The following AIDA variants were observed in gnomAD, a reference collection of about 807,000 sequenced individuals.
AIDA encodes axin interactor, dorsalization-associated protein.
Under a neutral mutation model 42.7 loss-of-function variants are expected in AIDA, and 18 were observed. The observed-to-expected ratio is 0.42, with a 90% CI of 0.29 to 0.63. AIDA has a LOEUF of 0.63. Ranked by LOEUF, AIDA falls within the 20% of genes least tolerant of loss-of-function variation. The probability of loss-of-function intolerance (pLI) is 0.19; values close to 1 mark genes in which losing one functional copy is unlikely to be tolerated. For missense variants in AIDA, 250 were observed against 354.1 expected, an observed-to-expected ratio of 0.71 and a Z score of 2.36; for synonymous variants, 104 against 122.9, an observed-to-expected ratio of 0.85 and a Z score of 1.02.
At chr1:222,701,799 C>T (rs912651630) in intron 2 of AIDA, among the ~76,000 whole-genome samples, 1 of 152,210 alleles carries the variant, frequency 6.6e-6, no homozygotes, top group African/African-American at 2.4e-5. Flanking sequence ...TCTCAGCTCA[C>T]TGCAACCTCT....
At chr1:222,694,181 T>C in intron 3 of AIDA, 29 bp downstream of exon 3, 1 of 1,580,122 alleles carries the variant, frequency 6.3e-7, no homozygotes, top group Non-Finnish European at 8.6e-7. Context: ...TTTATTTTCC[T>C]TGTATTACAG....
At chr1:222,680,733 T>C (rs1664638591) in intron 6 of AIDA, among the ~76,000 whole-genome samples, 1 of 152,076 alleles carries the variant, frequency 6.6e-6, no homozygotes, top group African/African-American at 2.4e-5. Flanking sequence ...ACCGATTATT[T>C]TGATATCCTA....
At chr1:222,672,247 A>G (rs1664462772) in intron 8 of AIDA, among the ~76,000 whole-genome samples, 1 of 152,160 alleles carries the variant, frequency 6.6e-6, no homozygotes, top group South Asian at 2.1e-4. Context: ...CAGTGTAATA[A>G]AATAGAAAAG....
chr1:222,690,823 T>C (rs1655350517), intron 4 of AIDA, among the ~76,000 whole-genome samples: 1 of 152,150 alleles, frequency 6.6e-6, no homozygotes, highest in Non-Finnish European at 1.5e-5. Context: ...ACTCTGAGGC[T>C]GGTGTCTAGA....
At chr1:222,712,094 G>A in intron 1 of AIDA, 114 bp downstream of exon 1, 1 of 1,491,166 alleles carries the variant, frequency 6.7e-7, no homozygotes, top group East Asian at 2.5e-5. Context: ...TGCCTGCGGA[G>A]CCCCACCCTG....
intron 1 of AIDA, among the ~76,000 whole-genome samples, chr1:222,705,730 G>C (rs1172688008): frequency 6.6e-6 from 1 of 151,886 alleles, no homozygotes; most frequent in Admixed American, 6.6e-5. Context: ...CTAAAAATAT[G>C]AAAATTAGCG....
intron 5 of AIDA, 43 bp from the exon 6 acceptor site, chr1:222,687,079 A>G: frequency 6.3e-7 from 1 of 1,595,252 alleles, no homozygotes; most frequent in Non-Finnish European, 8.5e-7. Context: ...CTGCAAAACT[A>G]AATATACTAG....
At chr1:222,708,898 A>G (rs1655917228) in intron 1 of AIDA, among the ~76,000 whole-genome samples, 1 of 152,096 alleles carries the variant, frequency 6.6e-6, no homozygotes. Flanking sequence ...TTTGGCATCA[A>G]CTCCTTAATG....
At chr1:222,678,200 GGTGTGTGTGTGTGTGTGTGT>G (rs71732365) in intron 6 of AIDA, among the ~76,000 whole-genome samples, 3 of 145,398 alleles carry the variant, frequency 2.1e-5, no homozygotes, top group South Asian at 2.2e-4. Context: ...TATATCTTGG[GGTGTGTGTGTGTGTGTGTGT>G]GTGTGTGTGT....
chr1:222,674,043 C>T (rs547232942), intron 7 of AIDA, among the ~76,000 whole-genome samples: 13 of 152,150 alleles, frequency 8.5e-5, no homozygotes, highest in South Asian at 8.3e-4. Flanking sequence ...GCCAAGATCG[C>T]GCCACTGCAC....
chr1:222,709,975 G>T (rs1320448600), intron 1 of AIDA, among the ~76,000 whole-genome samples: 3 of 152,050 alleles, frequency 2.0e-5, no homozygotes, highest in African/African-American at 7.2e-5. Context: ...CCTGTGTGTT[G>T]TATGGCGATA....
chr1:222,708,837 C>T (rs1402983475), intron 1 of AIDA, among the ~76,000 whole-genome samples: 2 of 152,194 alleles, frequency 1.3e-5, no homozygotes, highest in Non-Finnish European at 2.9e-5. Flanking sequence ...TCTAATACTT[C>T]GGATGCCTAT....
chr1:222,669,815 T>C lies in AIDA; in HGVS notation c.*78A>G, dbSNP rs371220821. ...GGCTTGCTTCCTGCCTGTTGAAGGG[T>C]GAATATGCTACACAGAGCTATGATG... On this transcript the variant is annotated 3_prime_UTR_variant, in exon 10 of 10. Transcript: ENST00000340020. The C allele has an allele frequency of 2.2e-6, 3 of 1,345,626 alleles. No individual in the cohort carries two copies. In the Admixed American group the frequency reaches 6.6e-5, roughly 29 times the overall value. 83.4% of individuals were successfully genotyped at this position (1,345,626 alleles called of 1,614,324 possible).
intron 2 of AIDA, 69 bp from the exon 3 acceptor site, chr1:222,694,332 A>C: frequency 8.0e-7 from 1 of 1,255,618 alleles, no homozygotes; most frequent in Non-Finnish European, 1.1e-6. Flanking sequence ...CATCAAGTTA[A>C]TTTTTATTAA....
Position 222,669,778 on chromosome 1 carries a change from T to C in AIDA, c.*115A>G, listed in dbSNP as rs1664411536. 1.0e-5 allele frequency: 10 copies of C among 953,594 alleles called. No individual in the cohort carries two copies. The South Asian group carries it at 1.2e-4, about 11-fold the overall frequency. 59.1% of individuals were successfully genotyped at this position (953,594 alleles called of 1,614,324 possible). A position where few individuals can be genotyped will look rare whatever the true frequency, so the allele number is the denominator to read the frequency against. On this transcript the variant is annotated 3_prime_UTR_variant, in exon 10 of 10. Coordinates refer to ENST00000340020, the MANE Select transcript of AIDA (RefSeq NM_022831.4). ...TTGCATTGGACTCCGTCCGGCCTAC[T>C]GGTCTGGGTACGGCTTGCTTCCTGC...
At chr1:222,672,805 A>C (rs1005727527) in intron 8 of AIDA, among the ~76,000 whole-genome samples, 1 of 152,232 alleles carries the variant, frequency 6.6e-6, no homozygotes, top group African/African-American at 2.4e-5. Flanking sequence ...AGAACACTCA[A>C]ATTTCCACTG....
At chr1:222,689,512 T>TAC (rs1558211693) in intron 4 of AIDA, among the ~76,000 whole-genome samples, 4 of 73,696 alleles carry the variant, frequency 5.4e-5, no homozygotes, top group African/African-American at 1.4e-4. Flanking sequence ...TATATATATA[T>TAC]ATATATATAC....
intron 2 of AIDA, among the ~76,000 whole-genome samples, chr1:222,695,313 G>A (rs1009459719): frequency 2.6e-5 from 4 of 152,194 alleles, no homozygotes; most frequent in African/African-American, 9.6e-5. Flanking sequence ...CCAACATGGC[G>A]AAACTCTGTC....
Position 222,669,999 on chromosome 1 carries a change from C to T in AIDA, c.825-10G>A, listed in dbSNP as rs759358525. 1 of 1,614,022 alleles carries T rather than the reference C, an allele frequency of 6.2e-7. No individual in the cohort carries two copies. Among genetic ancestry groups the T allele is most frequent in the Non-Finnish European group, 8.5e-7 (1 of 1,179,924 alleles). On this transcript the variant is annotated splice_polypyrimidine_tract_variant and intron_variant, in intron 9 of 9. Transcript: ENST00000340020. Reference sequence around the variant, plus strand: ...AGTGGGTTTCTTGTATCTGTAATCACAACAGAAAGACCATTGTTTAAAATA... The same window carrying T: ...AGTGGGTTTCTTGTATCTGTAATCATAACAGAAAGACCATTGTTTAAAATA...
Sources: gnomAD v4.1 joint callset for allele counts (sites outside exome capture counted in the v4.1 genomes callset) on GRCh38, gnomAD v4.1.1 for gene constraint, MANE v1.5 for transcripts, NCBI Gene and HGNC (gene_info 2026-07-23, HGNC 2026-07-21) for gene names.